DNMBP: variants seen among roughly 807,000 people sequenced by gnomAD.
DNMBP encodes dynamin-binding protein.
A neutral mutation model predicts 150.0 loss-of-function variants in DNMBP; 87 were observed. The observed-to-expected ratio is 0.58, with a 90% CI of 0.49 to 0.69. The LOEUF is 0.69. Among genes scored for constraint, DNMBP ranks in the 30% least tolerant of loss-of-function variants. The pLI, the probability that DNMBP is intolerant of heterozygous loss-of-function variation, is 0.00. For synonymous variants in DNMBP, 711 were observed against 750.4 expected (o/e 0.95, Z 0.86); for missense variants, 1,774 against 1,949.0 (o/e 0.91, Z 1.69).
chr10:99,929,304 T>C (rs1025386916), intron 4 of DNMBP, among the ~76,000 whole-genome samples: 5 of 149,806 alleles, frequency 3.3e-5, no homozygotes, highest in Admixed American at 2.0e-4. Context: ...AACAAAAACA[T>C]GAAAGTAAGA....
intron 4 of DNMBP, among the ~76,000 whole-genome samples, chr10:99,934,400 C>T (rs1276295852): frequency 6.9e-6 from 1 of 145,450 alleles, no homozygotes; most frequent in African/African-American, 2.6e-5. Context: ...CAATAAAAAC[C>T]TCCTTGTGTG....
chr10:99,984,530 A>G (rs1342470376), intron 1 of DNMBP, among the ~76,000 whole-genome samples: 1 of 152,236 alleles, frequency 6.6e-6, no homozygotes, highest in Non-Finnish European at 1.5e-5. Flanking sequence ...GAACACAATA[A>G]ACGTGTAAAA....
chr10:99,899,206 TAATAAAA>T (rs2039703320), intron 7 of DNMBP, among the ~76,000 whole-genome samples: 1 of 151,616 alleles, frequency 6.6e-6, no homozygotes, highest in African/African-American at 2.4e-5. Context: ...AATAAAAAAA[TAATAAAA>T]AATAAAAAAG....
chr10:99,890,585 G>A (rs139522733), intron 11 of DNMBP, among the ~76,000 whole-genome samples: 20 of 152,282 alleles, frequency 1.3e-4, no homozygotes, highest in African/African-American at 4.6e-4. Context: ...GCATGAGAGG[G>A]ATATTAGGGG....
At chr10:99,978,314 A>G (rs2040749652) in intron 1 of DNMBP, among the ~76,000 whole-genome samples, 1 of 152,166 alleles carries the variant, frequency 6.6e-6, no homozygotes, top group Admixed American at 6.5e-5. Context: ...CTGTTTCTCC[A>G]ACATTTAACT....
chr10:99,904,030 G>C (rs2039785685), intron 6 of DNMBP, among the ~76,000 whole-genome samples: 1 of 151,732 alleles, frequency 6.6e-6, no homozygotes, highest in African/African-American at 2.4e-5. Context: ...CCAAAGTGTT[G>C]GGATTACTGG....
chr10:99,909,179 T>G, intron 4 of DNMBP, 33 bp from the exon 5 acceptor site: 4 of 1,577,468 alleles, frequency 2.5e-6, no homozygotes, highest in Non-Finnish European at 2.6e-6. Flanking sequence ...TTAGCAGCTC[T>G]GGGTGTAAAA....
chr10:99,879,091 A>G (rs1263952966), intron 16 of DNMBP, among the ~76,000 whole-genome samples: 1 of 150,164 alleles, frequency 6.7e-6, no homozygotes, highest in African/African-American at 2.5e-5. Context: ...TCTCAAAAAA[A>G]AAAAAAAAAA....
intron 1 of DNMBP, among the ~76,000 whole-genome samples, chr10:99,992,413 C>CT (rs750660066): frequency 6.6e-6 from 1 of 151,910 alleles, no homozygotes; most frequent in Non-Finnish European, 1.5e-5. Context: ...TGTGTCTTAA[C>CT]TTTCTTATCT....
At chr10:99,958,797 T>TAAA (rs1208482262) in intron 3 of DNMBP, among the ~76,000 whole-genome samples, 1 of 152,248 alleles carries the variant, frequency 6.6e-6, no homozygotes, top group East Asian at 1.9e-4. Context: ...CATTCATGGC[T>TAAA]AAAAGATTCA....
chr10:99,903,275 C>T (rs1234716935), intron 6 of DNMBP, among the ~76,000 whole-genome samples: 1 of 151,936 alleles, frequency 6.6e-6, no homozygotes, highest in Non-Finnish European at 1.5e-5. Flanking sequence ...TGCAACCTAC[C>T]AGTCACAACA....
intron 4 of DNMBP, among the ~76,000 whole-genome samples, chr10:99,927,904 A>C (rs2133279138): frequency 6.6e-6 from 1 of 152,290 alleles, no homozygotes; most frequent in Middle Eastern, 3.4e-3. Context: ...GGGAGGCTTA[A>C]TACAATAAGG....
At chr10:99,894,171 G>A (rs2039617999) in intron 11 of DNMBP, among the ~76,000 whole-genome samples, 2 of 152,130 alleles carry the variant, frequency 1.3e-5, no homozygotes, top group African/African-American at 4.8e-5. Context: ...CCCAGCCACT[G>A]AGGTGGGAGG....
intron 1 of DNMBP, among the ~76,000 whole-genome samples, chr10:99,998,068 T>C (rs1367014418): frequency 6.7e-6 from 1 of 149,696 alleles, no homozygotes; most frequent in Non-Finnish European, 1.5e-5. Context: ...ACCCCATCTC[T>C]ACTAAAAATA....
chr10:99,940,376 C>T (rs1000804884), intron 4 of DNMBP, among the ~76,000 whole-genome samples: 1 of 152,052 alleles, frequency 6.6e-6, no homozygotes, highest in Admixed American at 6.6e-5. Flanking sequence ...TCAAACCTAC[C>T]CTGCTACCTG....
At chr10:99,935,368 A>T (rs1416595162) in intron 4 of DNMBP, among the ~76,000 whole-genome samples, 2 of 151,820 alleles carry the variant, frequency 1.3e-5, no homozygotes, top group Non-Finnish European at 2.9e-5. Flanking sequence ...AGACAGACTT[A>T]GTTTTTTTTT....
chr10:99,946,170 C>A (rs2040355086), intron 4 of DNMBP, among the ~76,000 whole-genome samples: 1 of 152,214 alleles, frequency 6.6e-6, no homozygotes, highest in South Asian at 2.1e-4. Flanking sequence ...GTTGGCCAGG[C>A]TGGTCTCAAA....
chr10:99,982,816 G>C (rs2040792563), intron 1 of DNMBP, among the ~76,000 whole-genome samples: 1 of 152,142 alleles, frequency 6.6e-6, no homozygotes, highest in South Asian at 2.1e-4. Context: ...GCTGGACGTG[G>C]TGGTGAACAC....
chr10:99,885,888 G>A (rs754929207), intron 13 of DNMBP, 22 bp from the exon 14 acceptor site: 5 of 1,578,056 alleles, frequency 3.2e-6, no homozygotes, highest in Non-Finnish European at 3.4e-6. Context: ...GGGAAGAGCA[G>A]AGATAGAGAA....
Sources: gnomAD v4.1 joint callset for allele counts (sites outside exome capture counted in the v4.1 genomes callset) on GRCh38, gnomAD v4.1.1 for gene constraint, MANE v1.5 for transcripts, NCBI Gene and HGNC (gene_info 2026-07-23, HGNC 2026-07-21) for gene names.